The following SCG5 variants were observed in gnomAD, a reference collection of about 807,000 sequenced individuals.
SCG5 encodes the protein neuroendocrine protein 7B2.
Under a neutral mutation model 25.7 loss-of-function variants are expected in SCG5, and 18 were observed. That is an observed-to-expected ratio of 0.70 (90% CI 0.48 to 1.04). The LOEUF is 1.04. SCG5 is among the 50% of genes least tolerant of loss of function. The pLI is 0.00. For missense variants in SCG5, 206 were observed against 259.8 expected (o/e 0.79, Z 1.42); for synonymous variants, 101 against 91.7 (o/e 1.10, Z -0.58).
At position 32,643,711 on chromosome 15, in the gene SCG5, T is replaced by C. The variant is rs747076418; in HGVS notation, c.119T>C (p.Ile40Thr). 10 of 1,613,906 alleles carry C rather than the reference T, an allele frequency of 6.2e-6. No homozygotes were observed. In the East Asian group the frequency reaches 2.0e-4, roughly 32 times the overall value. The change falls in exon 2 of 6, where the codon ATC becomes ACC. Residue 40 changes from isoleucine (I) to threonine (T), a missense_variant. Coordinates refer to ENST00000300175, the MANE Select transcript of SCG5 (RefSeq NM_001144757.3). ...CCTGACCGGGTCTCAGAAGCAGATA[T>C]CCAGAGGCTGCTTCATGGTGTTATG... ...RTPDRVSEADIQRLLHGVMEQ... is the reference protein window; with the variant it reads ...RTPDRVSEADTQRLLHGVMEQ...
At chr15:32,690,645 G>C (rs950351584) in intron 4 of SCG5, among the ~76,000 whole-genome samples, 41 of 152,164 alleles carry the variant, frequency 2.7e-4, no homozygotes, top group African/African-American at 9.7e-4. Context: ...AATTGCAGGT[G>C]GGGTAGATTT....
chr15:32,664,171 G>A (rs111318805), intron 2 of SCG5, among the ~76,000 whole-genome samples: 6,018 of 152,196 alleles, frequency 0.04, 407 homozygotes, highest in African/African-American at 0.14. Flanking sequence ...AGAATGTCTT[G>A]TCTGCCTGCC....
chr15:32,656,851 C>T (rs2054125966), intron 2 of SCG5, among the ~76,000 whole-genome samples: 1 of 151,990 alleles, frequency 6.6e-6, no homozygotes, highest in Admixed American at 6.6e-5. Flanking sequence ...ACTGAGCATG[C>T]ACTTTTGACC....
intron 1 of SCG5, 112 bp downstream of exon 1, chr15:32,641,890 AC>A (rs2053867361): frequency 6.6e-6 from 1 of 152,270 alleles, no homozygotes; most frequent in Non-Finnish European, 1.5e-5. Flanking sequence ...CTGGGGTCAG[AC>A]GAAGGATGCG....
chr15:32,680,709 G>A (rs1420869493), intron 3 of SCG5, among the ~76,000 whole-genome samples: 1 of 152,110 alleles, frequency 6.6e-6, no homozygotes, highest in Non-Finnish European at 1.5e-5. Context: ...TTTATTTGGG[G>A]GCCAGGAGGT....
intron 2 of SCG5, among the ~76,000 whole-genome samples, chr15:32,650,190 C>T (rs1391769291): frequency 6.6e-6 from 1 of 152,192 alleles, no homozygotes; most frequent in Admixed American, 6.5e-5. Flanking sequence ...TCTGCCCTCC[C>T]AGGTTCATGC....
At chr15:32,692,149 C>G in intron 5 of SCG5, 1 of 1,054,948 alleles carries the variant, frequency 9.5e-7, no homozygotes, top group Non-Finnish European at 1.1e-6. Flanking sequence ...TCTATAAAAA[C>G]ACAGGACAGA....
At chr15:32,692,026 G>A (rs891739395) in intron 5 of SCG5, 45 of 1,351,920 alleles carry the variant, frequency 3.3e-5, no homozygotes, top group Non-Finnish European at 4.2e-5. Flanking sequence ...TTCAGGAAAT[G>A]TGTATTGCTT....
At chr15:32,646,277 C>T (rs532546520) in intron 2 of SCG5, among the ~76,000 whole-genome samples, 17 of 152,282 alleles carry the variant, frequency 1.1e-4, no homozygotes, top group East Asian at 3.9e-4. Flanking sequence ...GAGTTTGGTG[C>T]GGATTAGTGT....
rs1321662401 is a variant in SCG5 at position 32,696,685 on chromosome 15, C to T, written c.*76C>T. ...CTTATGTGCACGTGTAAATGGAGTCCCTGTGAATGACAGCATGTTTCTTAC... is the reference window on the plus strand; with the variant it reads ...CTTATGTGCACGTGTAAATGGAGTCTCTGTGAATGACAGCATGTTTCTTAC... On this transcript the variant is annotated 3_prime_UTR_variant, in exon 6 of 6. Coordinates refer to ENST00000300175, the MANE Select transcript of SCG5 (RefSeq NM_001144757.3). 2.4e-6 allele frequency: 2 copies of T among 842,258 alleles called. No individual in the cohort carries two copies. Among genetic ancestry groups the T allele is most frequent in the Non-Finnish European group, 4.0e-6 (2 of 498,582 alleles). The allele number at this position is 842,258 out of a possible 1,614,324, so 52.2% of individuals were successfully genotyped here. A position where few individuals can be genotyped will look rare whatever the true frequency, so the allele number is the denominator to read the frequency against.
At chr15:32,693,068 A>G (rs1340209112) in intron 5 of SCG5, among the ~76,000 whole-genome samples, 8 of 152,190 alleles carry the variant, frequency 5.3e-5, no homozygotes. Context: ...AAGAAATTCT[A>G]TTCTAGGAAC....
intron 2 of SCG5, among the ~76,000 whole-genome samples, chr15:32,674,810 G>T (rs2054502816): frequency 6.6e-6 from 1 of 152,240 alleles, no homozygotes; most frequent in Admixed American, 6.5e-5. Flanking sequence ...AGAATTGGAG[G>T]CACATAGCAG....
At chr15:32,673,386 C>T (rs1433093084) in intron 2 of SCG5, among the ~76,000 whole-genome samples, 1 of 152,154 alleles carries the variant, frequency 6.6e-6, no homozygotes, top group East Asian at 1.9e-4. Context: ...AAGCCTGGCT[C>T]TCTCATTTTC....
In SCG5 at chr15:32,643,720, T is replaced by C; in HGVS notation, c.128T>C (p.Leu43Pro). 1.2e-6 allele frequency: 2 copies of C among 1,614,024 alleles called. No homozygotes were observed. The highest frequency in any genetic ancestry group is 1.3e-5 in the African/African-American group (1 of 75,040). Residue 43 changes from leucine (L) to proline (P), a missense_variant, in exon 2 of 6, where the codon CTG becomes CCG. Coordinates refer to ENST00000300175, the MANE Select transcript of SCG5 (RefSeq NM_001144757.3). ...DRVSEADIQRLLHGVMEQLGI... is the reference protein window; with the variant it reads ...DRVSEADIQRPLHGVMEQLGI... ...GTCTCAGAAGCAGATATCCAGAGGC[T>C]GCTTCATGGTGTTATGGAGCAATTG...
intron 3 of SCG5, among the ~76,000 whole-genome samples, chr15:32,680,273 G>T (rs2054595902): frequency 6.8e-6 from 1 of 146,788 alleles, no homozygotes; most frequent in Non-Finnish European, 1.5e-5. Context: ...TTGGTGCACT[G>T]CACGCTCCGC....
intron 2 of SCG5, among the ~76,000 whole-genome samples, chr15:32,663,916 G>A (rs935308592): frequency 4.6e-5 from 7 of 152,106 alleles, no homozygotes; most frequent in Non-Finnish European, 5.9e-5. Flanking sequence ...TCTTTGACTC[G>A]GCATGACAAC....
intron 5 of SCG5, among the ~76,000 whole-genome samples, chr15:32,695,375 T>C (rs1395931850): frequency 1.3e-5 from 2 of 152,216 alleles, no homozygotes; most frequent in Middle Eastern, 3.4e-3. Context: ...AACAAACATC[T>C]TCCAAAACTT....
intron 4 of SCG5, among the ~76,000 whole-genome samples, chr15:32,688,971 A>AAAAAAAAAG (rs2054788244): frequency 7.2e-6 from 1 of 139,836 alleles, no homozygotes; most frequent in Non-Finnish European, 1.6e-5. Flanking sequence ...AAAAAAAAAA[A>AAAAAAAAAG]AAAGAAATTA....
intron 2 of SCG5, among the ~76,000 whole-genome samples, chr15:32,668,563 GCACA>G (rs2054361368): frequency 2.0e-5 from 3 of 152,194 alleles, no homozygotes; most frequent in Non-Finnish European, 2.9e-5. Flanking sequence ...CTCTGAATGG[GCACA>G]GCGCTGCCAG....
Sources: gnomAD v4.1 joint callset for allele counts (sites outside exome capture counted in the v4.1 genomes callset) on GRCh38, gnomAD v4.1.1 for gene constraint, MANE v1.5 for transcripts, NCBI Gene and HGNC (gene_info 2026-07-23, HGNC 2026-07-21) for gene names.